Variants in VAV3 observed in about 807,000 individuals in gnomAD.
VAV3 encodes vav guanine nucleotide exchange factor 3.
Under a neutral mutation model 131.2 loss-of-function variants are expected in VAV3, and 94 were observed. The observed-to-expected ratio is 0.72, with a 90% confidence interval of 0.61 to 0.85. The LOEUF (loss-of-function observed/expected upper bound fraction) is 0.85, where lower values mean the gene tolerates loss of function less well. Ranked by LOEUF, VAV3 falls within the 40% of genes least tolerant of loss-of-function variation. The pLI is 0.00. For missense variants in VAV3, 939 were observed against 1,002.7 expected, an observed-to-expected ratio of 0.94 and a Z score of 0.86; for synonymous variants, 349 against 342.0, an observed-to-expected ratio of 1.02 and a Z score of -0.22.
intron 1 of VAV3, among the ~76,000 whole-genome samples, chr1:107,896,886 A>G (rs1260662845): frequency 6.6e-6 from 1 of 152,084 alleles, no homozygotes; most frequent in East Asian, 1.9e-4. Flanking sequence ...AAAGAGTTTG[A>G]CTCCAATCAT....
intron 19 of VAV3, among the ~76,000 whole-genome samples, chr1:107,661,575 T>G (rs1657017697): frequency 6.6e-6 from 1 of 152,230 alleles, no homozygotes; most frequent in Non-Finnish European, 1.5e-5. Flanking sequence ...CATGAAATTG[T>G]TCAATTGTTT....
At position 107,640,837 on chromosome 1, in the gene VAV3, A is replaced by G. The variant is rs113678539; in HGVS notation, c.1914+1782T>C. Reference sequence around the variant, plus strand: ...AGAGTGTCTGGCATGACCAGACAAAAGGCTGAGTTATGTGTTTAATATGGG... The same window carrying G: ...AGAGTGTCTGGCATGACCAGACAAAGGGCTGAGTTATGTGTTTAATATGGG... On this transcript the variant is annotated intron_variant, in intron 20 of 26. Transcript: ENST00000370056. Among the ~76,000 whole-genome samples, 698 of 151,986 alleles carry G rather than the reference A, an allele frequency of 4.6e-3. 7 individuals are homozygous for G. The highest frequency in any genetic ancestry group is 0.016 in the African/African-American group (665 of 41,452).
chr1:107,824,815 G>A (rs1303316355), intron 2 of VAV3, among the ~76,000 whole-genome samples: 1 of 151,886 alleles, frequency 6.6e-6, no homozygotes, highest in Admixed American at 6.6e-5. Context: ...TAGGCCCCAT[G>A]CAGAATCTTA....
chr1:107,676,204 T>C (rs1313931504), intron 19 of VAV3, among the ~76,000 whole-genome samples: 5 of 152,318 alleles, frequency 3.3e-5, no homozygotes, highest in Admixed American at 1.3e-4. Context: ...GCTAGTTCAA[T>C]CCCACTTCCC....
intron 2 of VAV3, among the ~76,000 whole-genome samples, chr1:107,830,207 CTTT>C: frequency 6.9e-6 from 1 of 145,790 alleles, no homozygotes; most frequent in Non-Finnish European, 1.5e-5. Context: ...TAATTACACA[CTTT>C]TTTTTTTTTT....
intron 19 of VAV3, among the ~76,000 whole-genome samples, chr1:107,671,303 T>C (rs1031738043): frequency 3.9e-5 from 6 of 152,240 alleles, no homozygotes; most frequent in African/African-American, 1.4e-4. Context: ...AAGCACGTTC[T>C]GTGAACAGAT....
intron 19 of VAV3, among the ~76,000 whole-genome samples, chr1:107,646,163 C>G (rs148071788): frequency 1.3e-5 from 2 of 152,170 alleles, no homozygotes; most frequent in Non-Finnish European, 2.9e-5. Context: ...GTAGCGTAAA[C>G]TACAAAACTT....
intron 19 of VAV3, among the ~76,000 whole-genome samples, chr1:107,655,438 G>A (rs140931003): frequency 6.6e-6 from 1 of 152,020 alleles, no homozygotes; most frequent in African/African-American, 2.4e-5. Context: ...TAAAAATCTA[G>A]ACCCCTATAT....
intron 2 of VAV3, 117 bp from the exon 3 acceptor site, chr1:107,779,609 G>A: frequency 1.6e-6 from 1 of 616,182 alleles, no homozygotes; most frequent in East Asian, 3.4e-5. Flanking sequence ...ATTTGCAGGT[G>A]TCAAAGATGT....
At chr1:107,737,168 C>T (rs1013652043) in intron 15 of VAV3, among the ~76,000 whole-genome samples, 29 of 152,212 alleles carry the variant, frequency 1.9e-4, no homozygotes, top group Non-Finnish European at 3.5e-4. Context: ...AAAGCTGAAA[C>T]TGGATCCCTT....
chr1:107,897,629 G>A lies in VAV3; in HGVS notation c.205-22612C>T, dbSNP rs772214639. ...TTTGGCGTCCTGCACCACCTCAGGT[G>A]CATTCACCCTGCCCATGACACCACG... On this transcript the variant is annotated intron_variant, in intron 1 of 26. Coordinates refer to ENST00000370056, the MANE Select transcript of VAV3 (RefSeq NM_006113.5). Among the ~76,000 whole-genome samples, 26 of 152,154 alleles carry A rather than the reference G, an allele frequency of 1.7e-4. 1 individual carries two copies. The highest frequency in any genetic ancestry group is 3.4e-4 in the African/African-American group (14 of 41,498).
At chr1:107,886,053 C>A (rs1163689223) in intron 1 of VAV3, among the ~76,000 whole-genome samples, 1 of 152,114 alleles carries the variant, frequency 6.6e-6, no homozygotes, top group African/African-American at 2.4e-5. Flanking sequence ...TGGTGAGAAG[C>A]AAGGGGACTA....
chr1:107,880,762 C>CT (rs1294870915), intron 1 of VAV3, among the ~76,000 whole-genome samples: 2 of 151,044 alleles, frequency 1.3e-5, no homozygotes, highest in Non-Finnish European at 2.9e-5. Flanking sequence ...CCCCACTGTA[C>CT]TCCAGCCTGG....
At chr1:107,740,931 G>A (rs1316574873) in intron 15 of VAV3, among the ~76,000 whole-genome samples, 1 of 152,168 alleles carries the variant, frequency 6.6e-6, no homozygotes, top group Admixed American at 6.5e-5. Flanking sequence ...AATGTTGCTG[G>A]CCCTTGTTCT....
chr1:107,766,386 A>T, intron 8 of VAV3, 61 bp downstream of exon 8: 1 of 1,127,658 alleles, frequency 8.9e-7, no homozygotes, highest in Non-Finnish European at 1.3e-6. Flanking sequence ...TAGCTATTTT[A>T]ATACTAATCC....
At chr1:107,831,011 C>A (rs1167735640) in intron 2 of VAV3, among the ~76,000 whole-genome samples, 1 of 151,972 alleles carries the variant, frequency 6.6e-6, no homozygotes, top group Non-Finnish European at 1.5e-5. Flanking sequence ...GGGGAATAAC[C>A]ACAAATACTT....
chr1:107,726,922 A>G (rs188987951), intron 15 of VAV3, among the ~76,000 whole-genome samples: 123 of 152,354 alleles, frequency 8.1e-4, no homozygotes, highest in African/African-American at 2.9e-3. Context: ...ATCCACACAA[A>G]CACATGTATA....
chr1:107,960,604 A>AT (rs1675038598), intron 1 of VAV3, among the ~76,000 whole-genome samples: 1 of 151,286 alleles, frequency 6.6e-6, no homozygotes, highest in Non-Finnish European at 1.5e-5. Context: ...TCGAGCTTCC[A>AT]TTTTCTCTCT....
At chr1:107,964,245 A>T (rs1675297687) in intron 1 of VAV3, among the ~76,000 whole-genome samples, 1 of 152,210 alleles carries the variant, frequency 6.6e-6, no homozygotes, top group Non-Finnish European at 1.5e-5. Context: ...TTAGGAAAAC[A>T]TGAGTACAAG....
Sources: allele counts gnomAD v4.1 joint callset (sites outside exome capture counted in the v4.1 genomes callset), GRCh38; gene constraint gnomAD v4.1.1; transcripts MANE v1.5; gene names NCBI Gene and HGNC (gene_info 2026-07-23, HGNC 2026-07-21).